F2RL1: variants seen among roughly 807,000 people sequenced by gnomAD.
F2RL1 encodes the protein F2R like trypsin receptor 1.
Under a neutral mutation model 21.7 loss-of-function variants are expected in F2RL1, and 16 were observed. The ratio of observed to expected loss-of-function variants is 0.74; its 90% CI spans 0.50 to 1.12. The LOEUF (loss-of-function observed/expected upper bound fraction) is 1.12. Among genes scored for constraint, F2RL1 ranks in the 50% most tolerant of loss-of-function variants. F2RL1 has a pLI of 0.00. For missense variants in F2RL1, 432 were observed against 477.8 expected, an observed-to-expected ratio of 0.90 and a Z score of 0.89; for synonymous variants, 181 against 186.7, an observed-to-expected ratio of 0.97 and a Z score of 0.25.
intron 1 of F2RL1, among the ~76,000 whole-genome samples, chr5:76,829,393 T>C (rs932569585): frequency 1.3e-5 from 2 of 152,234 alleles, no homozygotes; most frequent in Admixed American, 6.5e-5. Context: ...GCACTGTGCC[T>C]GGCCCTCTTT....
rs1299532666 is a variant in F2RL1, at chr5:76,831,029, A to G, written c.83-1661A>G. 2.0e-5 allele frequency among the ~76,000 whole-genome samples: 3 copies of G among 152,162 alleles called. No individual in the cohort carries two copies. The East Asian group carries it at 5.8e-4, about 29-fold the overall frequency. ...CCCCAGAATTAGAGTAAAATTATTCAGTATCCTTATATTGTCCTTACTTAC... is the reference window on the plus strand; with the variant it reads ...CCCCAGAATTAGAGTAAAATTATTCGGTATCCTTATATTGTCCTTACTTAC... On this transcript the variant is annotated intron_variant, in intron 1 of 1. Coordinates refer to ENST00000296677, the MANE Select transcript of F2RL1 (RefSeq NM_005242.6).
chr5:76,831,301 G>A (rs1750344172), intron 1 of F2RL1, among the ~76,000 whole-genome samples: 1 of 152,054 alleles, frequency 6.6e-6, no homozygotes, highest in African/African-American at 2.4e-5. Flanking sequence ...TGCCATTGTT[G>A]AGGCTATCGT....
intron 1 of F2RL1, among the ~76,000 whole-genome samples, chr5:76,830,586 TCTTAGAAACGACA>T (rs1750332604): frequency 6.6e-6 from 1 of 152,210 alleles, no homozygotes; most frequent in Non-Finnish European, 1.5e-5. Flanking sequence ...TCTGCCTTTA[TCTTAGAAACGACA>T]CTTGTCATTG....
chr5:76,832,586 TAAATTAAA>T, intron 1 of F2RL1, 96 bp from the exon 2 acceptor site: 1 of 1,186,686 alleles, frequency 8.4e-7, no homozygotes, highest in Non-Finnish European at 1.2e-6. Context: ...CCCTGTCTCA[TAAATTAAA>T]AAATGAATAA....
chr5:76,829,976 A>G (rs1013772069), intron 1 of F2RL1, among the ~76,000 whole-genome samples: 3 of 152,188 alleles, frequency 2.0e-5, no homozygotes, highest in Non-Finnish European at 4.4e-5. Context: ...GGACTATCCT[A>G]AGCATATTAG....
chr5:76,824,903 A>G (rs1445252696), intron 1 of F2RL1, among the ~76,000 whole-genome samples: 2 of 152,084 alleles, frequency 1.3e-5, no homozygotes, highest in Non-Finnish European at 2.9e-5. Context: ...TAAAAAGAAA[A>G]GTTCTCTTGT....
chr5:76,829,923 C>G (rs1261283304), intron 1 of F2RL1, among the ~76,000 whole-genome samples: 2 of 151,938 alleles, frequency 1.3e-5, no homozygotes, highest in Non-Finnish European at 1.5e-5. Flanking sequence ...AACATATGTT[C>G]TTTTTGAAGA....
intron 1 of F2RL1, among the ~76,000 whole-genome samples, chr5:76,821,042 G>A (rs915305205): frequency 1.4e-4 from 22 of 152,148 alleles, no homozygotes; most frequent in Middle Eastern, 3.4e-3. Context: ...CTTTTTAGCC[G>A]GTCCTTCTGC....
chr5:76,823,776 A>G (rs531338001), intron 1 of F2RL1, among the ~76,000 whole-genome samples: 7 of 150,816 alleles, frequency 4.6e-5, no homozygotes, highest in African/African-American at 1.7e-4. Flanking sequence ...TTTTTTACCT[A>G]ATCGATTCAT....
At chr5:76,825,954 A>G (rs911324888) in intron 1 of F2RL1, among the ~76,000 whole-genome samples, 2 of 152,100 alleles carry the variant, frequency 1.3e-5, no homozygotes, top group African/African-American at 4.8e-5. Flanking sequence ...AGCACTCTTT[A>G]TGTGAGCTTT....
At chr5:76,830,835 A>C (rs1459378015) in intron 1 of F2RL1, among the ~76,000 whole-genome samples, 2 of 152,204 alleles carry the variant, frequency 1.3e-5, no homozygotes, top group Admixed American at 6.5e-5. Flanking sequence ...CAAATAGGGA[A>C]GCATTAAGAT....
rs1226839415 is a variant in F2RL1 at position 76,833,067 on chromosome 5, T to G, written c.460T>G (p.Phe154Val). The change falls in exon 2 of 2, where the codon TTT becomes GTT. Residue 154 changes from phenylalanine (F) to valine (V), a missense_variant. Coordinates refer to ENST00000296677, the MANE Select transcript of F2RL1 (RefSeq NM_005242.6). Reference sequence around the variant, plus strand: ...AGCTCTTTGTAATGTGCTTATTGGCTTTTTCTATGGCAACATGTACTGTTC... The same window carrying G: ...AGCTCTTTGTAATGTGCTTATTGGCGTTTTCTATGGCAACATGTACTGTTC... ...GEALCNVLIGFFYGNMYCSIL... is the reference protein window; with the variant it reads ...GEALCNVLIGVFYGNMYCSIL... The G allele has an allele frequency of 1.9e-6, 3 of 1,614,186 alleles. No individual in the cohort carries two copies. The highest frequency in any genetic ancestry group is 2.5e-6 in the Non-Finnish European group (3 of 1,180,000).
At chr5:76,823,626 G>T (rs970440178) in intron 1 of F2RL1, among the ~76,000 whole-genome samples, 1 of 151,892 alleles carries the variant, frequency 6.6e-6, no homozygotes, top group Non-Finnish European at 1.5e-5. Context: ...TGATCCGCCC[G>T]CCTTGGCCTC....
intron 1 of F2RL1, among the ~76,000 whole-genome samples, chr5:76,828,500 TTA>T (rs199784248): frequency 0.018 from 1,986 of 113,206 alleles, 53 homozygotes; most frequent in African/African-American, 0.056. Flanking sequence ...TTTTTTTTTT[TTA>T]ATATAGAGAC....
rs769871661 is a variant in F2RL1 at position 76,832,858 on chromosome 5, TTG to T, written c.255_256del (p.Phe86CysfsTer7). On this transcript the variant is annotated frameshift_variant, in exon 2 of 2. Coordinates refer to ENST00000296677, the MANE Select transcript of F2RL1 (RefSeq NM_005242.6). LOFTEE classifies it high-confidence loss of function. ...GTCTTCCTTCCAATTGTCTACACAATTGTGTTTGTGGTGGGTTTGCCAAGTAA... is the reference window on the plus strand; with the variant it reads ...GTCTTCCTTCCAATTGTCTACACAATTGTTTGTGGTGGGTTTGCCAAGTAA... The T allele has an allele frequency of 6.2e-7, 1 of 1,614,182 alleles. No homozygotes were observed. Among genetic ancestry groups the T allele is most frequent in the East Asian group, 2.2e-5 (1 of 44,882 alleles).
chr5:76,823,472 A>G (rs1029271031), intron 1 of F2RL1, among the ~76,000 whole-genome samples: 7 of 146,986 alleles, frequency 4.8e-5, no homozygotes, highest in Admixed American at 2.8e-4. Flanking sequence ...TGCGCTTTCC[A>G]GGTTGAAGTG....
Position 76,833,832 on chromosome 5 carries a change from A to G in F2RL1, c.*31A>G. 6.3e-7 allele frequency: 1 copy of G among 1,597,112 alleles called. No individual in the cohort carries two copies. The highest frequency in any genetic ancestry group is 1.3e-5 in the African/African-American group (1 of 74,376). ...CCAGGTCCTCAGATGGGAATTGCAC[A>G]GTAGGATGTGGAACCTGTTTAATGT... On this transcript the variant is annotated 3_prime_UTR_variant, in exon 2 of 2. Coordinates refer to ENST00000296677, the MANE Select transcript of F2RL1 (RefSeq NM_005242.6).
At chr5:76,829,241 T>C (rs1401650286) in intron 1 of F2RL1, among the ~76,000 whole-genome samples, 5 of 148,354 alleles carry the variant, frequency 3.4e-5, no homozygotes, top group Admixed American at 2.1e-4. Flanking sequence ...ACCTTTTTTT[T>C]ACCTTTGTTC....
chr5:76,833,975 A>G lies in F2RL1; in HGVS notation c.*174A>G. 1.7e-6 allele frequency: 1 copy of G among 602,654 alleles called. No individual in the cohort carries two copies. The highest frequency in any genetic ancestry group is 2.6e-5 in the South Asian group (1 of 39,096). 37.3% of individuals were successfully genotyped at this position (602,654 alleles called of 1,614,324 possible). On this transcript the variant is annotated 3_prime_UTR_variant, in exon 2 of 2. Transcript: ENST00000296677. ...TTTGCATGAGAAAAGTAGTCCCCCA[A>G]ATTAACATCAGTGTCTGTTTCAGAA...
Sources: allele counts gnomAD v4.1 joint callset (sites outside exome capture counted in the v4.1 genomes callset), GRCh38; gene constraint gnomAD v4.1.1; transcripts MANE v1.5; gene names NCBI Gene and HGNC (gene_info 2026-07-23, HGNC 2026-07-21).